Variants in ENPP3 observed in about 807,000 individuals in gnomAD.
ENPP3 encodes the protein ectonucleotide pyrophosphatase/phosphodiesterase family member 3.
Under a neutral mutation model 117.8 loss-of-function variants are expected in ENPP3, and 104 were observed. The observed-to-expected ratio is 0.88, with a 90% CI of 0.75 to 1.04. The LOEUF (loss-of-function observed/expected upper bound fraction) is 1.04, where lower values mean the gene tolerates loss of function less well. Among genes scored for constraint, ENPP3 ranks in the 50% least tolerant of loss-of-function variants. The probability of loss-of-function intolerance (pLI) is 0.00; values close to 1 mark genes in which losing one functional copy is unlikely to be tolerated. For missense variants in ENPP3, 1,026 were observed against 1,051.9 expected, an observed-to-expected ratio of 0.98 and a Z score of 0.34; for synonymous variants, 380 against 349.9, an observed-to-expected ratio of 1.09 and a Z score of -0.96.
At chr6:131,701,918 G>T (rs201310425) in intron 15 of ENPP3, among the ~76,000 whole-genome samples, 1 of 148,236 alleles carries the variant, frequency 6.7e-6, no homozygotes, top group African/African-American at 2.5e-5. Flanking sequence ...AAAAAAACGC[G>T]TGCACACGTA....
At chr6:131,649,078 A>C (rs1778208776) in intron 2 of ENPP3, among the ~76,000 whole-genome samples, 1 of 152,180 alleles carries the variant, frequency 6.6e-6, no homozygotes, top group Non-Finnish European at 1.5e-5. Flanking sequence ...ATAAAGCTGA[A>C]CTGAAACTAA....
At chr6:131,668,683 T>A (rs1244847813) in intron 6 of ENPP3, among the ~76,000 whole-genome samples, 1 of 152,202 alleles carries the variant, frequency 6.6e-6, no homozygotes, top group Non-Finnish European at 1.5e-5. Flanking sequence ...ATTGTTTTTT[T>A]AGAAGTAAAA....
intron 15 of ENPP3, among the ~76,000 whole-genome samples, chr6:131,695,704 A>G (rs1470520536): frequency 6.6e-6 from 1 of 151,974 alleles, no homozygotes; most frequent in East Asian, 1.9e-4. Context: ...TCACAAGGTT[A>G]GGAGTTTGAG....
At chr6:131,650,944 A>C (rs1778249336) in intron 3 of ENPP3, among the ~76,000 whole-genome samples, 1 of 151,824 alleles carries the variant, frequency 6.6e-6, no homozygotes, top group South Asian at 2.1e-4. Flanking sequence ...TTTTGAAACA[A>C]AGTCTCACTT....
chr6:131,653,384 G>A (rs1374057488), intron 5 of ENPP3, among the ~76,000 whole-genome samples: 1 of 147,932 alleles, frequency 6.8e-6, no homozygotes, highest in African/African-American at 2.5e-5. Context: ...TTGAGTTCAA[G>A]TTATCTACTC....
At chr6:131,735,607 T>A (rs1310950336) in intron 21 of ENPP3, among the ~76,000 whole-genome samples, 2 of 152,142 alleles carry the variant, frequency 1.3e-5, no homozygotes, top group East Asian at 1.9e-4. Flanking sequence ...TTAAAAAAAA[T>A]AATTAGTTAA....
intron 11 of ENPP3, among the ~76,000 whole-genome samples, chr6:131,682,078 C>G (rs1279382319): frequency 6.6e-6 from 1 of 152,130 alleles, no homozygotes; most frequent in African/African-American, 2.4e-5. Context: ...GGTGATCCAC[C>G]TGCCTCAGCC....
At chr6:131,644,826 G>T (rs1778122535) in intron 2 of ENPP3, among the ~76,000 whole-genome samples, 1 of 152,122 alleles carries the variant, frequency 6.6e-6, no homozygotes, top group Non-Finnish European at 1.5e-5. Flanking sequence ...AGGTGAAGGG[G>T]AAAAGCAAAG....
At chr6:131,653,396 C>T (rs1311302172) in intron 5 of ENPP3, among the ~76,000 whole-genome samples, 2 of 151,336 alleles carry the variant, frequency 1.3e-5, no homozygotes, top group African/African-American at 2.4e-5. Context: ...TATCTACTCG[C>T]CTTGGCCTCC....
chr6:131,731,558 A>C (rs1780280920), intron 20 of ENPP3, among the ~76,000 whole-genome samples: 1 of 152,188 alleles, frequency 6.6e-6, no homozygotes, highest in Non-Finnish European at 1.5e-5. Context: ...TGTGTCTTTT[A>C]GTCTGATCAT....
rs1221631842 is a variant in ENPP3, at chr6:131,717,350, GGGTGTGT to G, written c.1413-1320_1413-1314del. Among the ~76,000 whole-genome samples, 196 of 52,372 alleles carry G rather than the reference GGGTGTGT, an allele frequency of 3.7e-3. 4 individuals are homozygous for G. Among genetic ancestry groups the G allele is most frequent in the African/African-American group, 0.037 (160 of 4,302 alleles). 34.4% of individuals were successfully genotyped at this position (52,372 alleles called of 152,430 possible). ...TAAAAACAAACAGAAACCCTGCGGG[GGGTGTGT>G]GTGTGTGTGTGTGTGTGTGTGTGTG... On this transcript the variant is annotated intron_variant, in intron 15 of 24. Transcript: ENST00000357639.
At chr6:131,678,925 C>CTTT (rs1224044032) in intron 11 of ENPP3, among the ~76,000 whole-genome samples, 2 of 69,610 alleles carry the variant, frequency 2.9e-5, no homozygotes, top group Non-Finnish European at 4.8e-5. Flanking sequence ...TTCTTTCTTT[C>CTTT]TTTCTTTCTT....
chr6:131,729,033 G>GA lies in ENPP3; in HGVS notation c.1953+2838dup, dbSNP rs200261785. Among the ~76,000 whole-genome samples, 1,230 of 152,252 alleles carry GA rather than the reference G, an allele frequency of 8.1e-3. 11 individuals carry two copies. Among genetic ancestry groups the GA allele is most frequent in the African/African-American group, 0.026 (1,073 of 41,548 alleles). On this transcript the variant is annotated intron_variant, in intron 20 of 24. Transcript: ENST00000357639. ...TCAGAGTAGAAATCTAGTGTACTTT[G>GA]AAAAATGCCTCTCTGTCTCCCTATG...
At chr6:131,680,198 G>A (rs769582823) in intron 11 of ENPP3, among the ~76,000 whole-genome samples, 44 of 152,182 alleles carry the variant, frequency 2.9e-4, no homozygotes, top group Non-Finnish European at 5.1e-4. Context: ...GACTAAGGTA[G>A]AGGCAAACAT....
chr6:131,693,666 C>T (rs1320562841), intron 15 of ENPP3, 42 bp downstream of exon 15: 1 of 1,582,634 alleles, frequency 6.3e-7, no homozygotes, highest in Non-Finnish European at 8.6e-7. Flanking sequence ...CCTTTAATAA[C>T]CATTTGTCAT....
intron 5 of ENPP3, among the ~76,000 whole-genome samples, chr6:131,656,055 T>TGGCAGACATTATG (rs1778378150): frequency 6.6e-6 from 1 of 152,250 alleles, no homozygotes; most frequent in East Asian, 1.9e-4. Context: ...GCTAGTGTTC[T>TGGCAGACATTATG]CTTTGCCTGT....
chr6:131,668,115 G>C (rs1258703001), intron 6 of ENPP3, among the ~76,000 whole-genome samples: 1 of 149,810 alleles, frequency 6.7e-6, no homozygotes, highest in East Asian at 2.0e-4. Flanking sequence ...CATTTGTACA[G>C]ATATCTTAAT....
At chr6:131,728,699 A>G (rs6931997) in intron 20 of ENPP3, among the ~76,000 whole-genome samples, 17,627 of 152,206 alleles carry the variant, frequency 0.12, 1,425 homozygotes, top group East Asian at 0.33. Flanking sequence ...CATGGACCCA[A>G]TTGGTCTTAG....
chr6:131,672,885 G>T (rs1300814765), intron 7 of ENPP3, among the ~76,000 whole-genome samples: 2 of 152,068 alleles, frequency 1.3e-5, no homozygotes, highest in Non-Finnish European at 2.9e-5. Context: ...TTAAATAAAT[G>T]ATTGGATGGA....
Sources: gnomAD v4.1 joint callset for allele counts (sites outside exome capture counted in the v4.1 genomes callset) on GRCh38, gnomAD v4.1.1 for gene constraint, MANE v1.5 for transcripts, NCBI Gene and HGNC (gene_info 2026-07-23, HGNC 2026-07-21) for gene names.